The following EHD1 variants were observed in gnomAD, a reference collection of about 807,000 sequenced individuals.
EHD1 encodes EH domain containing 1, also known as EH domain-containing protein 1.
A neutral mutation model predicts 39.0 loss-of-function variants in EHD1; 19 were observed. That is an observed-to-expected ratio of 0.49 (90% CI 0.34 to 0.72). EHD1 has a LOEUF of 0.72. Among genes scored for constraint, EHD1 ranks in the 30% least tolerant of loss-of-function variants. The pLI is 0.01. For missense variants in EHD1, 542 were observed against 751.5 expected (o/e 0.72, Z 3.26); for synonymous variants, 323 against 331.2 (o/e 0.98, Z 0.27).
intron 2 of EHD1, among the ~76,000 whole-genome samples, chr11:64,872,211 G>A (rs1018366276): frequency 6.6e-6 from 1 of 152,216 alleles, no homozygotes; most frequent in South Asian, 2.1e-4. Flanking sequence ...AGGCTGTGAT[G>A]ATGCTTTGAG....
At chr11:64,879,058 G>C, upstream of EHD1, 1 of 999,250 alleles carries the variant, frequency 1.0e-6, no homozygotes, top group Non-Finnish European at 1.2e-6. Flanking sequence ...CAGCTGGCTC[G>C]GAATCCCCGG....
At chr11:64,866,308 T>C (rs979105747) in intron 2 of EHD1, among the ~76,000 whole-genome samples, 1 of 152,080 alleles carries the variant, frequency 6.6e-6, no homozygotes, top group African/African-American at 2.4e-5. Flanking sequence ...TTCTCACTCA[T>C]CCATGGGTGT....
Position 64,869,385 on chromosome 11 carries a change from A to G in EHD1, c.502+5036T>C, listed in dbSNP as rs546794872. Among the ~76,000 whole-genome samples, 4 of 152,340 alleles carry G rather than the reference A, an allele frequency of 2.6e-5. No homozygotes were observed. The East Asian group carries it at 7.7e-4, about 29-fold the overall frequency. ...TTTTGGGAGGCCTGGAGCTGGGAGC[A>G]AAGGAGGGCCTGGAACCCAACGGGA... On this transcript the variant is annotated intron_variant, in intron 2 of 4. Transcript: ENST00000320631.
chr11:64,876,649 T>G (rs564464405), intron 1 of EHD1, among the ~76,000 whole-genome samples: 1 of 152,360 alleles, frequency 6.6e-6, no homozygotes, highest in South Asian at 2.1e-4. Flanking sequence ...GAACCTCGGT[T>G]TCCTGAACCA....
At chr11:64,859,781 C>A (rs1189405698) in intron 3 of EHD1, 143 bp downstream of exon 3, 4 of 1,219,804 alleles carry the variant, frequency 3.3e-6, no homozygotes, top group African/African-American at 1.5e-5. Flanking sequence ...AGACTGGTTT[C>A]TATAGAGGGA....
At chr11:64,878,953 C>G (rs1943924304), upstream of EHD1, 2 of 1,007,848 alleles carry the variant, frequency 2.0e-6, no homozygotes, top group South Asian at 8.4e-5. Flanking sequence ...CGTGGCCCCC[C>G]CACACCCCCG....
At chr11:64,869,576 G>A (rs184160990) in intron 2 of EHD1, among the ~76,000 whole-genome samples, 1 of 152,350 alleles carries the variant, frequency 6.6e-6, no homozygotes, top group African/African-American at 2.4e-5. Context: ...TGTAAATTCT[G>A]GTAATCTACA....
At chr11:64,863,400 C>T (rs1277710994) in intron 2 of EHD1, among the ~76,000 whole-genome samples, 1 of 152,202 alleles carries the variant, frequency 6.6e-6, no homozygotes, top group African/African-American at 2.4e-5. Flanking sequence ...GGGTCGCCCA[C>T]GGTGATGGGA....
chr11:64,868,119 G>C lies in EHD1; in HGVS notation c.502+6302C>G, dbSNP rs1422606174. ...GGTAGTTCCAGCCGCAGGGGGAAAA[G>C]CTGCTTTATACATTCCAAAGATTTC... On this transcript the variant is annotated intron_variant, in intron 2 of 4. Coordinates refer to ENST00000320631, the MANE Select transcript of EHD1 (RefSeq NM_006795.4). The surrounding 1 kb of genome is among the most constrained non-coding windows in gnomAD (Gnocchi z 4.2). Among the ~76,000 whole-genome samples the C allele has an allele frequency of 2.0e-5, 3 of 152,232 alleles. No homozygotes were observed. The highest frequency in any genetic ancestry group is 7.2e-5 in the African/African-American group (3 of 41,452).
At chr11:64,876,045 G>A (rs1486394010) in intron 1 of EHD1, among the ~76,000 whole-genome samples, 1 of 152,240 alleles carries the variant, frequency 6.6e-6, no homozygotes, top group Non-Finnish European at 1.5e-5. Flanking sequence ...CAAGAAAGGG[G>A]AAGCAGCAAA....
chr11:64,876,192 T>C (rs1943883640), intron 1 of EHD1, among the ~76,000 whole-genome samples: 1 of 152,228 alleles, frequency 6.6e-6, no homozygotes, highest in East Asian at 1.9e-4. Context: ...CTCCAGCTGA[T>C]TTTATTCTTA....
chr11:64,875,450 C>G (rs991508300), intron 1 of EHD1, among the ~76,000 whole-genome samples: 1 of 152,194 alleles, frequency 6.6e-6, no homozygotes, highest in African/African-American at 2.4e-5. Context: ...ACTCGGCAGG[C>G]TGAGGCAGGA....
At chr11:64,859,507 G>A (rs557945953) in intron 3 of EHD1, 15 of 162,118 alleles carry the variant, frequency 9.3e-5, no homozygotes, top group Non-Finnish European at 1.5e-4. Context: ...GCAACAGAGC[G>A]AGTCTCCGCT....
chr11:64,860,272 G>C lies in EHD1; in HGVS notation c.567C>G (p.Phe189Leu). Reference protein sequence around the residue: ...AERVDRIILLFDAHKLDISDE... With the variant: ...AERVDRIILLLDAHKLDISDE... Reference sequence around the variant, plus strand: ...CGGAGATGTCCAGCTTGTGGGCGTCGAAGAGCAGGATGATGCGGTCCACAC... The same window carrying C: ...CGGAGATGTCCAGCTTGTGGGCGTCCAAGAGCAGGATGATGCGGTCCACAC... The change falls in exon 3 of 5, where the codon TTC becomes TTG. Residue 189 changes from phenylalanine (F) to leucine (L), a missense_variant. By Grantham distance (22) the Phe-to-Leu change is conservative. Transcript: ENST00000320631. The C allele has an allele frequency of 1.2e-6, 2 of 1,614,018 alleles. No homozygotes were observed. Among genetic ancestry groups the C allele is most frequent in the South Asian group, 1.1e-5 (1 of 91,078 alleles).
At position 64,855,329 on chromosome 11, in the gene EHD1, T is replaced by C; in HGVS notation, c.1073A>G (p.Lys358Arg). 1 of 1,613,882 alleles carries C rather than the reference T, an allele frequency of 6.2e-7. No individual in the cohort carries two copies. Among genetic ancestry groups the C allele is most frequent in the Non-Finnish European group, 8.5e-7 (1 of 1,179,992 alleles). Residue 358 changes from lysine (K) to arginine (R), a missense_variant, in exon 4 of 5, where the codon AAG (lysine) becomes AGG (arginine). Transcript: ENST00000320631. ...ISPGDFPSLR[K>R]MQELLQTQDF... The stretch of plus-strand genomic sequence containing the variant: ...GCCTCGGGACAGCCGTACCTGCATC[T>C]TGCGGAGGCTCGGGAAGTCCCCAGG...
intron 2 of EHD1, among the ~76,000 whole-genome samples, chr11:64,866,679 C>T (rs61886111): frequency 0.012 from 1,730 of 148,438 alleles, 38 homozygotes; most frequent in African/African-American, 0.04. Context: ...GACCCTGTCT[C>T]CAAAAAAAAA....
chr11:64,858,354 G>GT (rs1725512889), intron 3 of EHD1, among the ~76,000 whole-genome samples: 1 of 151,306 alleles, frequency 6.6e-6, no homozygotes, highest in African/African-American at 2.4e-5. Flanking sequence ...GCTAATTTTT[G>GT]TATTTTTTTT....
upstream of EHD1, chr11:64,879,565 C>T (rs1351194255): frequency 4.5e-6 from 7 of 1,549,676 alleles, no homozygotes; most frequent in Middle Eastern, 1.7e-4. Flanking sequence ...TCGGGGTCAC[C>T]ACCATTTACC....
chr11:64,853,991 C>G lies in EHD1; in HGVS notation c.*342G>C, dbSNP rs1000527583. Reference sequence around the variant, plus strand: ...AAGGGCGACCTGGCTCCCCCACGGTCGCAGTCGCTGCACTGTCCAGCTCCA... The same window carrying G: ...AAGGGCGACCTGGCTCCCCCACGGTGGCAGTCGCTGCACTGTCCAGCTCCA... On this transcript the variant is annotated 3_prime_UTR_variant, in exon 5 of 5. Transcript: ENST00000320631. The G allele has an allele frequency of 1.2e-5, 4 of 322,964 alleles. No individual in the cohort carries two copies. The highest frequency in any genetic ancestry group is 2.3e-5 in the Non-Finnish European group (4 of 172,688). 20.0% of individuals were successfully genotyped at this position (322,964 alleles called of 1,614,324 possible).
Sources: allele counts gnomAD v4.1 joint callset (sites outside exome capture counted in the v4.1 genomes callset), GRCh38; gene constraint gnomAD v4.1.1; non-coding constraint Gnocchi (gnomAD v3.1); transcripts MANE v1.5; gene names NCBI Gene and HGNC (gene_info 2026-07-23, HGNC 2026-07-21).